Variants in STK3 observed in about 807,000 individuals in gnomAD.
STK3 encodes serine/threonine kinase 3.
A neutral mutation model predicts 58.0 loss-of-function variants in STK3; 41 were observed. The ratio of observed to expected loss-of-function variants is 0.71; its 90% CI spans 0.55 to 0.92. The LOEUF (loss-of-function observed/expected upper bound fraction) is 0.92, where lower values mean the gene tolerates loss of function less well. STK3 is among the 40% of genes least tolerant of loss of function. The pLI is 0.00. For synonymous variants in STK3, 170 were observed against 191.0 expected (o/e 0.89, Z 0.91); for missense variants, 479 against 602.7 (o/e 0.79, Z 2.15).
chr8:98,493,195 G>T (rs1436451584), intron 10 of STK3, among the ~76,000 whole-genome samples: 2 of 144,246 alleles, frequency 1.4e-5, no homozygotes, highest in African/African-American at 2.6e-5. Context: ...CTGTGCCACT[G>T]CATTTCCATC....
chr8:98,432,640 A>G (rs1818353083), intron 3 of STK3: 1 of 167,146 alleles, frequency 6.0e-6, no homozygotes, highest in African/African-American at 2.4e-5. Context: ...CATTTCAAAG[A>G]AAATAAGTTG....
chr8:98,656,036 G>A (rs1336480743), intron 6 of STK3, among the ~76,000 whole-genome samples: 1 of 151,930 alleles, frequency 6.6e-6, no homozygotes, highest in East Asian at 1.9e-4. Context: ...ACATGCACAC[G>A]TATGTTTATT....
At chr8:98,694,130 G>T (rs901727780) in intron 6 of STK3, among the ~76,000 whole-genome samples, 2 of 152,192 alleles carry the variant, frequency 1.3e-5, no homozygotes, top group Admixed American at 1.3e-4. Flanking sequence ...AGCATTTGTT[G>T]CATCTATTTA....
At chr8:98,532,733 A>T (rs901401641) in intron 9 of STK3, among the ~76,000 whole-genome samples, 1 of 152,164 alleles carries the variant, frequency 6.6e-6, no homozygotes, top group Non-Finnish European at 1.5e-5. Flanking sequence ...CACAATAAAA[A>T]AAATTTTTTT....
chr8:98,576,068 G>T (rs1813372119), intron 8 of STK3, among the ~76,000 whole-genome samples: 5 of 152,104 alleles, frequency 3.3e-5, no homozygotes, highest in Admixed American at 3.3e-4. Context: ...ATACTAAAAG[G>T]CTGCTGTATT....
At chr8:98,460,348 C>G (rs1187510675) in intron 10 of STK3, among the ~76,000 whole-genome samples, 1 of 152,146 alleles carries the variant, frequency 6.6e-6, no homozygotes, top group Non-Finnish European at 1.5e-5. Flanking sequence ...ATGCCTGTAC[C>G]CCCATTGTGT....
At chr8:98,728,282 T>G (rs1827928775) in intron 4 of STK3, among the ~76,000 whole-genome samples, 1 of 152,206 alleles carries the variant, frequency 6.6e-6, no homozygotes, top group Non-Finnish European at 1.5e-5. Context: ...TTATGGAATT[T>G]GTCCAGAAAA....
rs1835219346 is a variant in STK3 at position 98,825,657 on chromosome 8, G to C, written c.-117C>G. Reference sequence around the variant, plus strand: ...CACAGAGGGAAACTCTGGGAACTCGGACCAACTTTCCCGTAACTCCGCGGC... The same window carrying C: ...CACAGAGGGAAACTCTGGGAACTCGCACCAACTTTCCCGTAACTCCGCGGC... On this transcript the variant is annotated 5_prime_UTR_variant, in exon 1 of 11. Coordinates refer to ENST00000419617, the MANE Select transcript of STK3 (RefSeq NM_006281.4). 1 of 1,192,698 alleles carries C rather than the reference G, an allele frequency of 8.4e-7. No individual in the cohort carries two copies. Among genetic ancestry groups the C allele is most frequent in the Non-Finnish European group, 1.1e-6 (1 of 951,340 alleles). The allele number at this position is 1,192,698 out of a possible 1,614,324, so 73.9% of individuals were successfully genotyped here. A position where few individuals can be genotyped will look rare whatever the true frequency, so the allele number is the denominator to read the frequency against.
At chr8:98,628,515 A>G (rs1387345307) in intron 6 of STK3, among the ~76,000 whole-genome samples, 4 of 152,182 alleles carry the variant, frequency 2.6e-5, no homozygotes, top group Non-Finnish European at 5.9e-5. Context: ...AGGAATACAC[A>G]GGCAGGCATG....
chr8:98,404,508 G>A (rs1277066378), intron 3 of STK3, among the ~76,000 whole-genome samples: 5 of 151,928 alleles, frequency 3.3e-5, no homozygotes, highest in South Asian at 2.1e-4. Context: ...GTGAAACCCC[G>A]TCTCTACTAA....
intron 8 of STK3, among the ~76,000 whole-genome samples, chr8:98,561,516 A>T (rs1812033176): frequency 6.6e-6 from 1 of 152,006 alleles, no homozygotes; most frequent in Non-Finnish European, 1.5e-5. Context: ...AAAACTAAAC[A>T]CTTCAGCTGG....
chr8:98,656,984 A>C (rs1053501659), intron 6 of STK3, among the ~76,000 whole-genome samples: 2 of 152,172 alleles, frequency 1.3e-5, no homozygotes, highest in African/African-American at 4.8e-5. Context: ...TCTACGTAAT[A>C]CAGATGGATA....
At chr8:98,747,262 T>G (rs1230511763) in intron 4 of STK3, among the ~76,000 whole-genome samples, 1 of 151,722 alleles carries the variant, frequency 6.6e-6, no homozygotes. Flanking sequence ...CAATATAAAA[T>G]AACAAGAATT....
At chr8:98,715,672 A>G (rs1446729152) in intron 4 of STK3, among the ~76,000 whole-genome samples, 5 of 152,156 alleles carry the variant, frequency 3.3e-5, no homozygotes, top group Admixed American at 2.0e-4. Flanking sequence ...GAACACTTTT[A>G]CACTGTTGAT....
At chr8:98,445,086 C>T (rs1026001957) in intron 1 of STK3, among the ~76,000 whole-genome samples, 45 of 152,236 alleles carry the variant, frequency 3.0e-4, no homozygotes, top group African/African-American at 1.1e-3. Flanking sequence ...TAGCTTAATA[C>T]AATGTATTCA....
intron 7 of STK3, among the ~76,000 whole-genome samples, chr8:98,592,492 C>T (rs767184720): frequency 1.3e-4 from 19 of 151,842 alleles, no homozygotes; most frequent in Admixed American, 7.2e-4. Context: ...ACATTTTTGT[C>T]TTTCATTTCT....
chr8:98,797,224 G>T (rs1833236480), intron 1 of STK3, among the ~76,000 whole-genome samples: 2 of 152,224 alleles, frequency 1.3e-5, no homozygotes, highest in South Asian at 4.1e-4. Flanking sequence ...TTTGCTGCTA[G>T]TGGGTGGTTT....
intron 3 of STK3, chr8:98,432,529 A>G (rs1227236032): frequency 6.0e-6 from 1 of 167,094 alleles, no homozygotes; most frequent in Non-Finnish European, 1.5e-5. Flanking sequence ...TGCCAAGCTG[A>G]TTTGTAGCTC....
rs527592720 is a variant in STK3 at position 98,714,642 on chromosome 8, C to G, written c.352-7331G>C. 4.6e-5 allele frequency among the ~76,000 whole-genome samples: 7 copies of G among 152,260 alleles called. No homozygotes were observed. In the East Asian group the frequency reaches 1.4e-3, roughly 29 times the overall value. ...TCAATGAAATAAAAGAGGATACAAA[C>G]AAATGCAAGAACATTCCATGCTCAT... On this transcript the variant is annotated intron_variant, in intron 4 of 10. Transcript: ENST00000419617.
Sources: gnomAD v4.1 joint callset for allele counts (sites outside exome capture counted in the v4.1 genomes callset) on GRCh38, gnomAD v4.1.1 for gene constraint, MANE v1.5 for transcripts, NCBI Gene and HGNC (gene_info 2026-07-23, HGNC 2026-07-21) for gene names.